The following C10orf105 variants were observed in gnomAD, a reference collection of about 807,000 sequenced individuals.
The protein encoded by C10orf105 is chromosome 10 open reading frame 105.
C10orf105 carries 2 observed loss-of-function variants against 0.6 expected under a neutral mutation model. The observed-to-expected ratio is 3.18, with a 90% confidence interval of 1.30 to 10.01. The LOEUF (loss-of-function observed/expected upper bound fraction) is 10.01, where lower values mean the gene tolerates loss of function less well. Among genes scored for constraint, C10orf105 ranks in the 30% most tolerant of loss-of-function variants. The pLI is 0.04. For synonymous variants in C10orf105, 95 were observed against 82.4 expected (o/e 1.15, Z -0.83); for missense variants, 209 against 191.4 (o/e 1.09, Z -0.54).
chr10:71,736,111 C>A (rs186068726), intron 1 of C10orf105, among the ~76,000 whole-genome samples: 153 of 152,380 alleles, frequency 1.0e-3, no homozygotes, highest in Non-Finnish European at 1.7e-3. Flanking sequence ...GACTGCCAGC[C>A]ACTTCCTCAG....
In C10orf105 at chr10:71,715,212, G is replaced by A. The variant is rs1866154487; in HGVS notation, c.*724C>T. The A allele has an allele frequency of 6.6e-6, 1 of 152,354 alleles. No homozygotes were observed. The highest frequency in any genetic ancestry group is 1.5e-5 in the Non-Finnish European group (1 of 68,150). The allele number at this position is 152,354 out of a possible 1,614,324, so 9.4% of individuals were successfully genotyped here. A position where few individuals can be genotyped will look rare whatever the true frequency, so the allele number is the denominator to read the frequency against. On this transcript the variant is annotated 3_prime_UTR_variant, in exon 2 of 2. Transcript: ENST00000441508. Reference sequence around the variant, plus strand: ...GCCACTCTGTCACAGCACCCGCCCTGGCCTCTGAAGGGAGCCTCCTCGATC... The same window carrying A: ...GCCACTCTGTCACAGCACCCGCCCTAGCCTCTGAAGGGAGCCTCCTCGATC...
rs531485407 is a variant in C10orf105 at position 71,711,821 on chromosome 10, A to AG, written c.*4114dup. On this transcript the variant is annotated 3_prime_UTR_variant, in exon 2 of 2. Transcript: ENST00000441508. ...GCCTGTCCGCTGTGGACTGGAGTGG[A>AG]GGACAGCTGCCCTTCCAGCGGGGCC... The AG allele has an allele frequency of 5.9e-5, 9 of 152,090 alleles. No homozygotes were observed. The South Asian group carries it at 1.7e-3, about 28-fold the overall frequency. The allele number at this position is 152,090 out of a possible 1,614,324, so 9.4% of individuals were successfully genotyped here.
intron 1 of C10orf105, among the ~76,000 whole-genome samples, chr10:71,734,873 C>T (rs922671465): frequency 3.3e-5 from 5 of 152,250 alleles, no homozygotes; most frequent in African/African-American, 1.2e-4. Flanking sequence ...TGTGTCTTGC[C>T]TAGCCCCGGT....
At chr10:71,717,847 A>G (rs1318377883) in intron 1 of C10orf105, 1 of 152,194 alleles carries the variant, frequency 6.6e-6, no homozygotes, top group African/African-American at 2.4e-5. Flanking sequence ...AAGGCAAGAA[A>G]GAAGAGAGGT....
intron 1 of C10orf105, among the ~76,000 whole-genome samples, chr10:71,728,074 G>A (rs1013806463): frequency 1.3e-5 from 2 of 152,108 alleles, no homozygotes; most frequent in African/African-American, 2.4e-5. Flanking sequence ...ACAACCCTTG[G>A]AGTCAAGGTC....
rs1866117006 is a variant in C10orf105, at chr10:71,714,326, C to G, written c.*1610G>C. 6.6e-6 allele frequency: 1 copy of G among 152,182 alleles called. No homozygotes were observed. Among genetic ancestry groups the G allele is most frequent in the Non-Finnish European group, 1.5e-5 (1 of 68,070 alleles). The allele number at this position is 152,182 out of a possible 1,614,324, so 9.4% of individuals were successfully genotyped here. On this transcript the variant is annotated 3_prime_UTR_variant, in exon 2 of 2. Transcript: ENST00000441508. ...CACCCAGGCTGGGCCACGCTTCACT[C>G]TGTACACAGAAGCCTCATACTTCTG...
intron 1 of C10orf105, among the ~76,000 whole-genome samples, chr10:71,733,402 C>T (rs1839455296): frequency 6.6e-6 from 1 of 152,194 alleles, no homozygotes; most frequent in Non-Finnish European, 1.5e-5. Flanking sequence ...AGCCTCTGTC[C>T]TCTTCCTGGA....
intron 1 of C10orf105, chr10:71,730,706 T>C (rs1839347131): frequency 3.3e-6 from 5 of 1,516,082 alleles, no homozygotes; most frequent in Non-Finnish European, 4.5e-6. Flanking sequence ...TGCTTCAGGC[T>C]CCCCATTTAG....
intron 1 of C10orf105, chr10:71,732,282 C>T: frequency 6.2e-7 from 1 of 1,613,196 alleles, no homozygotes; most frequent in Non-Finnish European, 8.5e-7. Context: ...GGGTCCAGGC[C>T]TACTCCATCG....
At chr10:71,729,584 G>T (rs936271907) in intron 1 of C10orf105, among the ~76,000 whole-genome samples, 9 of 152,214 alleles carry the variant, frequency 5.9e-5, no homozygotes, top group Non-Finnish European at 1.2e-4. Context: ...GGTGCAGTGG[G>T]GTGGGGTTGG....
At chr10:71,734,755 G>A in intron 1 of C10orf105, 1 of 750,702 alleles carries the variant, frequency 1.3e-6, no homozygotes, top group South Asian at 1.3e-5. Flanking sequence ...CTCTCCCAGA[G>A]AGAAGGCACG....
upstream of C10orf105, among the ~76,000 whole-genome samples, chr10:71,720,843 C>A (rs1379180588): frequency 6.6e-6 from 1 of 152,174 alleles, no homozygotes; most frequent in Non-Finnish European, 1.5e-5. Context: ...TGTGACCTGC[C>A]CAGGGGCACC....
intron 1 of C10orf105, among the ~76,000 whole-genome samples, chr10:71,718,541 G>C (rs1866399110): frequency 6.6e-6 from 1 of 152,264 alleles, no homozygotes; most frequent in South Asian, 2.1e-4. Context: ...TCTGAGCAGG[G>C]AGGAGGGATG....
intron 1 of C10orf105, among the ~76,000 whole-genome samples, chr10:71,725,083 G>A (rs1284256796): frequency 6.6e-6 from 1 of 152,228 alleles, no homozygotes; most frequent in Non-Finnish European, 1.5e-5. Context: ...AGGGGGACCA[G>A]CAGGAGCCCC....
In C10orf105 at chr10:71,712,365, C is replaced by T. The variant is rs1589361339; in HGVS notation, c.*3571G>A. The T allele has an allele frequency of 6.4e-6, 2 of 312,226 alleles. No individual in the cohort carries two copies. Among genetic ancestry groups the T allele is most frequent in the East Asian group, 1.1e-4 (2 of 18,156 alleles). The allele number at this position is 312,226 out of a possible 1,614,324, so 19.3% of individuals were successfully genotyped here. A position where few individuals can be genotyped will look rare whatever the true frequency, so the allele number is the denominator to read the frequency against. ...TTTTTTTGGGAGCCATCATTCAATC[C>T]ACTTGAGTGCCTCAGTTACCTCCTC... On this transcript the variant is annotated 3_prime_UTR_variant, in exon 2 of 2. Coordinates refer to ENST00000441508, the MANE Select transcript of C10orf105 (RefSeq NM_001164375.3).
intron 1 of C10orf105, among the ~76,000 whole-genome samples, chr10:71,731,721 A>G (rs953581626): frequency 1.6e-4 from 25 of 152,188 alleles, no homozygotes; most frequent in African/African-American, 6.0e-4. Context: ...TTGAGGCTCC[A>G]GGAGCAGACC....
chr10:71,731,119 G>A (rs930418334), intron 1 of C10orf105, among the ~76,000 whole-genome samples: 2 of 152,012 alleles, frequency 1.3e-5, no homozygotes, highest in African/African-American at 2.4e-5. Flanking sequence ...CCCCAGAGGC[G>A]GCCACAGCCC....
In C10orf105 at chr10:71,711,772, C is replaced by CTGG. The variant is rs1207413320; in HGVS notation, c.*4161_*4163dup. On this transcript the variant is annotated 3_prime_UTR_variant, in exon 2 of 2. Transcript: ENST00000441508. The stretch of plus-strand genomic sequence containing the variant: ...AATTTCTCATGAGAAATCAGAAGAT[C>CTGG]TGGTGTCTCTGGGCCCACATTCTGC... The CTGG allele has an allele frequency of 4.6e-5, 7 of 152,152 alleles. No individual in the cohort carries two copies. The highest frequency in any genetic ancestry group is 8.8e-5 in the Non-Finnish European group (6 of 68,030). 9.4% of individuals were successfully genotyped at this position (152,152 alleles called of 1,614,324 possible).
At chr10:71,724,083 T>C (rs1223980355), upstream of C10orf105, 5 of 1,559,794 alleles carry the variant, frequency 3.2e-6, no homozygotes, top group Non-Finnish European at 4.3e-6. Flanking sequence ...AGTTTGGGCG[T>C]GTGTGGTACC....
Sources: gnomAD v4.1 joint callset for allele counts (sites outside exome capture counted in the v4.1 genomes callset) on GRCh38, gnomAD v4.1.1 for gene constraint, MANE v1.5 for transcripts, NCBI Gene and HGNC (gene_info 2026-07-23, HGNC 2026-07-21) for gene names.